GOLGA2: variants seen among roughly 807,000 people sequenced by gnomAD.
The protein encoded by GOLGA2 is golgin A2, also known as golgin subfamily A member 2.
A neutral mutation model predicts 148.8 loss-of-function variants in GOLGA2; 49 were observed. That is an observed-to-expected ratio of 0.33 (90% CI 0.26 to 0.42). GOLGA2 has a LOEUF of 0.42. Among genes scored for constraint, GOLGA2 ranks in the 10% least tolerant of loss-of-function variants. GOLGA2 has a pLI of 1.00. For synonymous variants in GOLGA2, 501 were observed against 511.8 expected, an observed-to-expected ratio of 0.98 and a Z score of 0.28; for missense variants, 1,178 against 1,304.6, an observed-to-expected ratio of 0.90 and a Z score of 1.49.
intron 2 of GOLGA2, 125 bp from the exon 3 acceptor site, chr9:128,272,990 G>C (rs1831055282): frequency 2.7e-6 from 1 of 367,638 alleles, no homozygotes; most frequent in African/African-American, 2.1e-5. Flanking sequence ...GAAGAGTGGA[G>C]GAGATCAATA....
chr9:128,269,567 G>A (rs1830809238), intron 3 of GOLGA2, among the ~76,000 whole-genome samples: 1 of 152,158 alleles, frequency 6.6e-6, no homozygotes, highest in Non-Finnish European at 1.5e-5. Context: ...GGACCTACCT[G>A]CTTGATCAGA....
At chr9:128,275,476 T>C in intron 1 of GOLGA2, 2 of 1,296,896 alleles carry the variant, frequency 1.5e-6, no homozygotes, top group Non-Finnish European at 2.0e-6. Flanking sequence ...CCCCGGGAGG[T>C]CCGGTTTGGG....
intron 3 of GOLGA2, among the ~76,000 whole-genome samples, chr9:128,268,731 G>A (rs997729441): frequency 1.1e-4 from 16 of 152,178 alleles, no homozygotes; most frequent in Non-Finnish European, 2.1e-4. Flanking sequence ...TCAAAGCAGG[G>A]GCTGCACGGC....
chr9:128,261,197 G>A lies in GOLGA2; in HGVS notation c.1395C>T (p.Ser465=), dbSNP rs1401176750. The A allele has an allele frequency of 6.2e-7, 1 of 1,613,318 alleles. No homozygotes were observed. The highest frequency in any genetic ancestry group is 1.3e-5 in the African/African-American group (1 of 74,976). ...CCATCTGGTTCCTCAGTTCAGCCAA[G>A]CTCGTCTCCAGCTCCTGTACCCGAC... ...SMSRVQELET[S]LAELRNQMAE... The change falls in exon 17 of 27, where the codon AGC becomes AGT. Residue 465 remains serine, a synonymous_variant. Transcript: ENST00000611957. This position sits in a 1 kb window ranked among gnomAD's most constrained non-coding sequence, Gnocchi z 5.7.
Position 128,261,489 on chromosome 9 carries a change from T to C in GOLGA2, c.1297A>G (p.Met433Val), listed in dbSNP as rs1287250593. ...ATCTGCTGCATCCTCTGCCGCCACA[T>C]GGCGCTCTCTCCTTTGAGATTCTCC... The part of the protein sequence containing the change: ...YAENLKGESA[M>V]WRQRMQQMSE... Residue 433 changes from methionine (M) to valine (V), a missense_variant, in exon 16 of 27, where the codon ATG (methionine) becomes GTG (valine). Transcript: ENST00000611957. This position sits in a 1 kb window ranked among gnomAD's most constrained non-coding sequence, Gnocchi z 5.7. 2.5e-6 allele frequency: 4 copies of C among 1,610,976 alleles called. No individual in the cohort carries two copies. Among genetic ancestry groups the C allele is most frequent in the East Asian group, 4.5e-5 (2 of 44,862 alleles).
chr9:128,263,592 G>A (rs1315948338), intron 12 of GOLGA2, among the ~76,000 whole-genome samples: 2 of 151,932 alleles, frequency 1.3e-5, no homozygotes, highest in Admixed American at 6.6e-5. Context: ...TAATTTTTTT[G>A]TATTTTTAGT....
At chr9:128,270,891 C>CA (rs538377465) in intron 3 of GOLGA2, among the ~76,000 whole-genome samples, 4 of 151,508 alleles carry the variant, frequency 2.6e-5, no homozygotes, top group Admixed American at 6.6e-5. Flanking sequence ...ATTAAAAATA[C>CA]AAAAAAAATG....
Position 128,256,936 on chromosome 9 carries a change from AC to A in GOLGA2, c.*130del. Reference sequence around the variant, plus strand: ...ATCTTCACCTCATCTGCACCTGTCTACCCCCGTTAGACAGGGGTCTATGCTT... The same window carrying A: ...ATCTTCACCTCATCTGCACCTGTCTACCCCGTTAGACAGGGGTCTATGCTT... On this transcript the variant is annotated 3_prime_UTR_variant, in exon 27 of 27. Transcript: ENST00000611957. 1.4e-6 allele frequency: 1 copy of A among 693,730 alleles called. No individual in the cohort carries two copies. Among genetic ancestry groups the A allele is most frequent in the Non-Finnish European group, 2.5e-6 (1 of 394,100 alleles). The allele number at this position is 693,730 out of a possible 1,614,324, so 43.0% of individuals were successfully genotyped here.
chr9:128,273,395 T>C (rs1831078206), intron 2 of GOLGA2, among the ~76,000 whole-genome samples: 1 of 152,166 alleles, frequency 6.6e-6, no homozygotes, highest in African/African-American at 2.4e-5. Flanking sequence ...AAGTTAGATC[T>C]TCCCCTAATC....
At chr9:128,273,317 CTG>C (rs1469303182) in intron 2 of GOLGA2, among the ~76,000 whole-genome samples, 1 of 152,246 alleles carries the variant, frequency 6.6e-6, no homozygotes, top group African/African-American at 2.4e-5. Context: ...GAGGAGGAAA[CTG>C]AGGCCCAGGG....
At position 128,266,191 on chromosome 9, in the gene GOLGA2, A is replaced by G; in HGVS notation, c.681+96T>C. 1 of 1,384,656 alleles carries G rather than the reference A, an allele frequency of 7.2e-7. No individual in the cohort carries two copies. Among genetic ancestry groups the G allele is most frequent in the Non-Finnish European group, 1.0e-6 (1 of 971,944 alleles). The allele number at this position is 1,384,656 out of a possible 1,614,324, so 85.8% of individuals were successfully genotyped here. A position where few individuals can be genotyped will look rare whatever the true frequency, so the allele number is the denominator to read the frequency against. On this transcript the variant is annotated intron_variant, in intron 9 of 26. Coordinates refer to ENST00000611957, the MANE Select transcript of GOLGA2 (RefSeq NM_001366244.2). The surrounding 1 kb of genome is among the most constrained non-coding windows in gnomAD (Gnocchi z 4.2). Reference sequence around the variant, plus strand: ...TCTGGGGGGGTGAGCCTTCTTCCCCAGGCTGGGAGTGGGTGAGACGAGACT... The same window carrying G: ...TCTGGGGGGGTGAGCCTTCTTCCCCGGGCTGGGAGTGGGTGAGACGAGACT...
rs755007830 is a variant in GOLGA2, at chr9:128,257,623, G to A, written c.2696C>T (p.Ala899Val). The A allele has an allele frequency of 6.2e-7, 1 of 1,614,084 alleles. No homozygotes were observed. Among genetic ancestry groups the A allele is most frequent in the Non-Finnish European group, 8.5e-7 (1 of 1,179,996 alleles). Residue 899 changes from alanine (A) to valine (V), a missense_variant, in exon 25 of 27, where the codon GCC (alanine) becomes GTC (valine). By Grantham distance (64) the Ala-to-Val change is moderately conservative. This residue lies in a region of GOLGA2 where 38 missense variants were observed against 67.3 expected (regional missense o/e 0.56). Coordinates refer to ENST00000611957, the MANE Select transcript of GOLGA2 (RefSeq NM_001366244.2). The surrounding 1 kb of genome is among the most constrained non-coding windows in gnomAD (Gnocchi z 8.0). Reference protein sequence around the residue: ...REKEEYISRLAQDKEEMKVKL... With the variant: ...REKEEYISRLVQDKEEMKVKL... ...TACCTTCATCTCCTCCTTGTCTTGGGCCAGCCTGCTGATGTACTCCTCCTT... is the reference window on the plus strand; with the variant it reads ...TACCTTCATCTCCTCCTTGTCTTGGACCAGCCTGCTGATGTACTCCTCCTT...
In GOLGA2 at chr9:128,273,522, G is replaced by A. The variant is rs1831088235; in HGVS notation, c.207+328C>T. The A allele has an allele frequency of 3.4e-5, 16 of 464,116 alleles. No homozygotes were observed. In the South Asian group the frequency reaches 7.6e-4, roughly 22 times the overall value. The allele number at this position is 464,116 out of a possible 1,614,324, so 28.7% of individuals were successfully genotyped here. A position where few individuals can be genotyped will look rare whatever the true frequency, so the allele number is the denominator to read the frequency against. ...CTGGCTTCCCTTTGAGACTGGAGAT[G>A]AGGAAAATGAAACAGCAACTACCAT... is the stretch of plus-strand genomic sequence containing the variant. On this transcript the variant is annotated intron_variant, in intron 2 of 26. Transcript: ENST00000611957.
rs1209651711 is a variant in GOLGA2, at chr9:128,266,189, C to T, written c.681+98G>A. 3.1e-5 allele frequency: 43 copies of T among 1,389,164 alleles called. No individual in the cohort carries two copies. Among genetic ancestry groups the T allele is most frequent in the Non-Finnish European group, 4.0e-5 (39 of 976,256 alleles). 86.1% of individuals were successfully genotyped at this position (1,389,164 alleles called of 1,614,324 possible). ...AATCTGGGGGGGTGAGCCTTCTTCC[C>T]CAGGCTGGGAGTGGGTGAGACGAGA... On this transcript the variant is annotated intron_variant, in intron 9 of 26. Transcript: ENST00000611957. This position sits in a 1 kb window ranked among gnomAD's most constrained non-coding sequence, Gnocchi z 4.2.
chr9:128,258,174 C>A lies in GOLGA2; in HGVS notation c.2314G>T (p.Ala772Ser). The part of the protein sequence containing the change: ...AMVAFFNSAV[A>S]SAEEEQARLR... ...CTTGCCTGCTCCTCCTCGGCACTGG[C>A]TACAGCTGAGTTGAAAAATGCCACC... Residue 772 changes from alanine to serine, a missense_variant, in exon 23 of 27, where the codon GCC becomes TCC. By Grantham distance (99) the Ala-to-Ser change is moderately conservative (BLOSUM62 1). Coordinates refer to ENST00000611957, the MANE Select transcript of GOLGA2 (RefSeq NM_001366244.2). The surrounding 1 kb of genome is among the most constrained non-coding windows in gnomAD (Gnocchi z 6.6). The A allele has an allele frequency of 6.2e-7, 1 of 1,600,092 alleles. No homozygotes were observed. The highest frequency in any genetic ancestry group is 8.5e-7 in the Non-Finnish European group (1 of 1,175,456).
chr9:128,259,713 C>A (rs1316987129), intron 19 of GOLGA2, among the ~76,000 whole-genome samples: 2 of 152,238 alleles, frequency 1.3e-5, no homozygotes, highest in African/African-American at 4.8e-5. Flanking sequence ...AAGGAAGATG[C>A]TAACTTCCTT....
In GOLGA2 at chr9:128,257,775, T is replaced by C; in HGVS notation, c.2611+15A>G. 1.2e-6 allele frequency: 2 copies of C among 1,612,340 alleles called. No individual in the cohort carries two copies. Among genetic ancestry groups the C allele is most frequent in the Non-Finnish European group, 1.7e-6 (2 of 1,178,332 alleles). Reference sequence around the variant, plus strand: ...CTGTGCAGCTCCTCCTGCCGTGCCCTGGCCTCCCACTCACCAATGGTGTCT... The same window carrying C: ...CTGTGCAGCTCCTCCTGCCGTGCCCCGGCCTCCCACTCACCAATGGTGTCT... On this transcript the variant is annotated intron_variant, in intron 24 of 26. Transcript: ENST00000611957. The surrounding 1 kb of genome is among the most constrained non-coding windows in gnomAD (Gnocchi z 8.0).
Position 128,260,044 on chromosome 9 carries a change from C to T in GOLGA2, c.1872+32G>A, listed in dbSNP as rs770736942. 2.7e-6 allele frequency: 4 copies of T among 1,484,700 alleles called. No individual in the cohort carries two copies. Among genetic ancestry groups the T allele is most frequent in the Non-Finnish European group, 3.7e-6 (4 of 1,070,346 alleles). The allele number at this position is 1,484,700 out of a possible 1,614,324, so 92.0% of individuals were successfully genotyped here. Reference sequence around the variant, plus strand: ...CCCCTCCCCAGAGGCTGGTGCCCGCCTCCCAGCCCTTCTTGGATGGGGCGG... The same window carrying T: ...CCCCTCCCCAGAGGCTGGTGCCCGCTTCCCAGCCCTTCTTGGATGGGGCGG... On this transcript the variant is annotated intron_variant, in intron 19 of 26. Coordinates refer to ENST00000611957, the MANE Select transcript of GOLGA2 (RefSeq NM_001366244.2). The surrounding 1 kb of genome is among the most constrained non-coding windows in gnomAD (Gnocchi z 4.8).
rs146873119 is a variant in GOLGA2, at chr9:128,257,998, C to T, written c.2490G>A (p.Gly830=). Residue 830 remains glycine, a synonymous_variant, in exon 23 of 27, where the codon GGG becomes GGA. Coordinates refer to ENST00000611957, the MANE Select transcript of GOLGA2 (RefSeq NM_001366244.2). This position sits in a 1 kb window ranked among gnomAD's most constrained non-coding sequence, Gnocchi z 8.0. The part of the protein sequence containing the change: ...VCGETHRALQ[G]AMEKLQSRFM... Reference sequence around the variant, plus strand: ...CATTCACCTGCAGCTTCTCCATGGCCCCCTGCAGGGCCCGGTGGGTCTCCC... The same window carrying T: ...CATTCACCTGCAGCTTCTCCATGGCTCCCTGCAGGGCCCGGTGGGTCTCCC... The T allele has an allele frequency of 1.2e-5, 20 of 1,608,852 alleles. No individual in the cohort carries two copies. The African/African-American group carries it at 2.7e-4, about 22-fold the overall frequency.
Sources: gnomAD v4.1 joint callset for allele counts (sites outside exome capture counted in the v4.1 genomes callset) on GRCh38, gnomAD v4.1.1 for gene constraint, gnomAD v4.1.1 regional missense constraint, Gnocchi (gnomAD v3.1) non-coding constraint, MANE v1.5 for transcripts, NCBI Gene and HGNC (gene_info 2026-07-23, HGNC 2026-07-21) for gene names.